The following FHIT variants were observed in gnomAD, a reference collection of about 807,000 sequenced individuals.
FHIT encodes the protein bis(5'-adenosyl)-triphosphatase.
A neutral mutation model predicts 17.9 loss-of-function variants in FHIT; 19 were observed. That is an observed-to-expected ratio of 1.06 (90% confidence interval 0.74 to 1.56). The LOEUF (loss-of-function observed/expected upper bound fraction) is 1.56, where lower values mean the gene tolerates loss of function less well. FHIT is among the 40% of genes most tolerant of loss of function. The probability of loss-of-function intolerance (pLI) is 0.00; values close to 1 mark genes in which losing one functional copy is unlikely to be tolerated. For missense variants in FHIT, 248 were observed against 189.2 expected, an observed-to-expected ratio of 1.31 and a Z score of -1.82; for synonymous variants, 81 against 69.7, an observed-to-expected ratio of 1.16 and a Z score of -0.81.
chr3:60,960,823 A>T (rs1212621734), intron 3 of FHIT, among the ~76,000 whole-genome samples: 4 of 152,192 alleles, frequency 2.6e-5, no homozygotes, highest in Non-Finnish European at 4.4e-5. Context: ...TTCTTAATCC[A>T]GTCTATCATT....
chr3:60,686,994 C>A (rs1191132690), intron 4 of FHIT, among the ~76,000 whole-genome samples: 2 of 152,194 alleles, frequency 1.3e-5, no homozygotes, highest in Non-Finnish European at 2.9e-5. Flanking sequence ...GGTTTACAGA[C>A]TACATGGGAA....
chr3:59,777,744 C>T (rs1368959103), intron 8 of FHIT, among the ~76,000 whole-genome samples: 2 of 134,548 alleles, frequency 1.5e-5, no homozygotes, highest in Non-Finnish European at 3.3e-5. Flanking sequence ...AGGCCACCGT[C>T]TGCCTCTTTA....
chr3:61,035,230 C>G (rs2033183541), intron 3 of FHIT, among the ~76,000 whole-genome samples: 2 of 152,196 alleles, frequency 1.3e-5, no homozygotes, highest in African/African-American at 2.4e-5. Context: ...TTGCACGGCA[C>G]TGTCAGTGAG....
intron 5 of FHIT, among the ~76,000 whole-genome samples, chr3:60,074,926 C>A (rs974772770): frequency 6.6e-6 from 1 of 152,052 alleles, no homozygotes; most frequent in Non-Finnish European, 1.5e-5. Context: ...TGACACGTCT[C>A]CCTTTCACTG....
At chr3:60,653,587 G>T (rs557294183) in intron 4 of FHIT, among the ~76,000 whole-genome samples, 5 of 152,070 alleles carry the variant, frequency 3.3e-5, no homozygotes, top group Non-Finnish European at 7.4e-5. Flanking sequence ...AATGTTCAAA[G>T]TATAGGAATC....
At chr3:59,969,620 T>C (rs1199396515) in intron 7 of FHIT, among the ~76,000 whole-genome samples, 1 of 152,098 alleles carries the variant, frequency 6.6e-6, no homozygotes, top group Non-Finnish European at 1.5e-5. Context: ...TTTGGGGCCA[T>C]TACCAGCTAC....
intron 5 of FHIT, among the ~76,000 whole-genome samples, chr3:60,271,155 T>C (rs532809495): frequency 1.2e-3 from 189 of 152,214 alleles, no homozygotes; most frequent in Admixed American, 2.2e-3. Context: ...ATCCCAGAAC[T>C]TTGGGAAACA....
intron 4 of FHIT, among the ~76,000 whole-genome samples, chr3:60,590,317 T>A (rs1260442195): frequency 6.6e-6 from 1 of 152,004 alleles, no homozygotes; most frequent in South Asian, 2.1e-4. Flanking sequence ...TAATCAAAAT[T>A]CATACTACAA....
At chr3:59,941,740 C>T (rs1706530318) in intron 7 of FHIT, among the ~76,000 whole-genome samples, 1 of 152,062 alleles carries the variant, frequency 6.6e-6, no homozygotes, top group Non-Finnish European at 1.5e-5. Flanking sequence ...GTCAAGGGAC[C>T]CAGGAGAGGA....
chr3:61,077,271 G>T (rs1167412263), intron 2 of FHIT, among the ~76,000 whole-genome samples: 2 of 152,124 alleles, frequency 1.3e-5, no homozygotes. Context: ...GTATATACTA[G>T]TGAGAAATGA....
intron 7 of FHIT, among the ~76,000 whole-genome samples, chr3:60,010,301 AC>A (rs1224364517): frequency 6.6e-6 from 1 of 152,204 alleles, no homozygotes; most frequent in African/African-American, 2.4e-5. Context: ...CTATCACCAT[AC>A]CCTGTGTGTA....
chr3:60,728,066 C>G (rs1392537756), intron 4 of FHIT, among the ~76,000 whole-genome samples: 1 of 152,088 alleles, frequency 6.6e-6, no homozygotes, highest in African/African-American at 2.4e-5. Flanking sequence ...AAGGAAAATG[C>G]CTATTTTGAT....
chr3:61,067,703 T>C (rs1168703456), intron 2 of FHIT, among the ~76,000 whole-genome samples: 4 of 152,140 alleles, frequency 2.6e-5, no homozygotes, highest in East Asian at 1.9e-4. Flanking sequence ...CAGTTTCAGG[T>C]ATTCAAAGGC....
chr3:61,051,738 G>A (rs1011975333), intron 2 of FHIT, among the ~76,000 whole-genome samples: 1 of 152,154 alleles, frequency 6.6e-6, no homozygotes, highest in Non-Finnish European at 1.5e-5. Context: ...AGAGATGTGG[G>A]GAGTCTCGTG....
chr3:59,946,261 AT>A (rs1396498574), intron 7 of FHIT, among the ~76,000 whole-genome samples: 1 of 152,154 alleles, frequency 6.6e-6, no homozygotes, highest in South Asian at 2.1e-4. Flanking sequence ...TGTATTAGGT[AT>A]TTTTTTGTGT....
intron 8 of FHIT, among the ~76,000 whole-genome samples, chr3:59,890,707 G>A (rs1275473841): frequency 8.5e-5 from 13 of 152,124 alleles, no homozygotes; most frequent in Non-Finnish European, 1.5e-5. Flanking sequence ...AAGAGAGAGA[G>A]AAATTATAAT....
intron 5 of FHIT, among the ~76,000 whole-genome samples, chr3:60,486,535 C>A (rs1358967353): frequency 6.6e-6 from 1 of 152,058 alleles, no homozygotes; most frequent in Non-Finnish European, 1.5e-5. Flanking sequence ...ACAGGTTAGG[C>A]AAAGAAAGCA....
At chr3:61,105,027 A>G (rs557385425) in intron 2 of FHIT, among the ~76,000 whole-genome samples, 6 of 152,256 alleles carry the variant, frequency 3.9e-5, no homozygotes, top group African/African-American at 7.2e-5. Flanking sequence ...CTGTAGCTCA[A>G]TGATTTTCAT....
chr3:61,143,723 G>A (rs947301152), intron 2 of FHIT, among the ~76,000 whole-genome samples: 8 of 152,042 alleles, frequency 5.3e-5, no homozygotes, highest in African/African-American at 1.7e-4. Flanking sequence ...AAAATTAGCC[G>A]GGCATGGTGG....
Sources: gnomAD v4.1 joint callset for allele counts (sites outside exome capture counted in the v4.1 genomes callset) on GRCh38, gnomAD v4.1.1 for gene constraint, MANE v1.5 for transcripts, NCBI Gene and HGNC (gene_info 2026-07-23, HGNC 2026-07-21) for gene names.